IREB2: variants seen among roughly 807,000 people sequenced by gnomAD.
IREB2 encodes iron-responsive element-binding protein 2.
A neutral mutation model predicts 118.8 loss-of-function variants in IREB2; 39 were observed. The ratio of observed to expected loss-of-function variants is 0.33; its 90% CI spans 0.25 to 0.43. The LOEUF (loss-of-function observed/expected upper bound fraction) is 0.43, where lower values mean the gene tolerates loss of function less well. Among genes scored for constraint, IREB2 ranks in the 20% least tolerant of loss-of-function variants. The probability of loss-of-function intolerance (pLI) is 1.00; values close to 1 mark genes in which losing one functional copy is unlikely to be tolerated. For missense variants in IREB2, 900 were observed against 1,147.3 expected (o/e 0.78, Z 3.11); for synonymous variants, 372 against 392.2 (o/e 0.95, Z 0.61).
Position 78,498,164 on chromosome 15 carries a change from C to T in IREB2, c.*21C>T, listed in dbSNP as rs1316429719. 7.6e-7 allele frequency: 1 copy of T among 1,312,192 alleles called. No homozygotes were observed. The highest frequency in any genetic ancestry group is 1.2e-5 in the South Asian group (1 of 84,480). The allele number at this position is 1,312,192 out of a possible 1,614,324, so 81.3% of individuals were successfully genotyped here. A position where few individuals can be genotyped will look rare whatever the true frequency, so the allele number is the denominator to read the frequency against. On this transcript the variant is annotated 3_prime_UTR_variant, in exon 22 of 22. Transcript: ENST00000258886. ...CATAGTATCTACTTACCATAGATAC[C>T]TTTCATAACTGGTAACTGCAAAGCC...
At chr15:78,463,193 C>CT in intron 3 of IREB2, 106 bp downstream of exon 3, 1 of 916,518 alleles carries the variant, frequency 1.1e-6, no homozygotes, top group Non-Finnish European at 1.6e-6. Context: ...AATCCCAGTA[C>CT]TTTGGGAGGC....
intron 21 of IREB2, 145 bp downstream of exon 21, chr15:78,497,456 G>T: frequency 1.5e-6 from 1 of 647,792 alleles, no homozygotes; most frequent in East Asian, 2.8e-5. Flanking sequence ...TCCATACTTA[G>T]ATCTAGCTAT....
rs375436214 is a variant in IREB2, at chr15:78,446,548, C to T, written c.106+6667C>T. Among the ~76,000 whole-genome samples, 11 of 152,106 alleles carry T rather than the reference C, an allele frequency of 7.2e-5. No individual in the cohort carries two copies. The East Asian group carries it at 1.7e-3, about 24-fold the overall frequency. ...AGGAGCTTCAGATTTCTGCCCTGTT[C>T]CACTCTTCTGCTTCCTCCACTTCAC... On this transcript the variant is annotated intron_variant, in intron 2 of 21. Coordinates refer to ENST00000258886, the MANE Select transcript of IREB2 (RefSeq NM_004136.4).
intron 1 of IREB2, among the ~76,000 whole-genome samples, chr15:78,439,468 A>G (rs989126834): frequency 2.6e-5 from 4 of 152,162 alleles, no homozygotes; most frequent in African/African-American, 9.7e-5. Flanking sequence ...TATTCTTATC[A>G]CATTTCAGGA....
rs1462870272 is a variant in IREB2 at position 78,498,759 on chromosome 15, C to G, written c.*616C>G. ...CTGTCCAATCCAGCCAAGGTTCCCT[C>G]CACATATGAAGATGGACCATGGCAG... On this transcript the variant is annotated 3_prime_UTR_variant, in exon 22 of 22. Coordinates refer to ENST00000258886, the MANE Select transcript of IREB2 (RefSeq NM_004136.4). 6.6e-6 allele frequency: 1 copy of G among 152,318 alleles called. No homozygotes were observed. Among genetic ancestry groups the G allele is most frequent in the Non-Finnish European group, 1.5e-5 (1 of 68,074 alleles). The allele number at this position is 152,318 out of a possible 1,614,324, so 9.4% of individuals were successfully genotyped here.
chr15:78,451,660 G>GAA (rs2051026875), intron 2 of IREB2, among the ~76,000 whole-genome samples: 1 of 152,094 alleles, frequency 6.6e-6, no homozygotes, highest in African/African-American at 2.4e-5. Flanking sequence ...ACGCTCAAAG[G>GAA]AAATGCTCAT....
chr15:78,476,454 A>G (rs988458502), intron 9 of IREB2, 95 bp downstream of exon 9: 12 of 857,444 alleles, frequency 1.4e-5, no homozygotes, highest in Non-Finnish European at 2.0e-5. Flanking sequence ...GTTATTTACT[A>G]TTCACAAAAT....
At chr15:78,459,524 A>G (rs1465722467) in intron 2 of IREB2, among the ~76,000 whole-genome samples, 1 of 151,904 alleles carries the variant, frequency 6.6e-6, no homozygotes, top group Non-Finnish European at 1.5e-5. Context: ...TAATTTTTGT[A>G]TTTTTAGTAG....
At chr15:78,472,010 A>G (rs1362358708) in intron 7 of IREB2, 86 bp downstream of exon 7, 10 of 1,050,750 alleles carry the variant, frequency 9.5e-6, no homozygotes, top group African/African-American at 6.4e-5. Context: ...TTGAGTTTGT[A>G]TAGCCTCTTT....
intron 3 of IREB2, among the ~76,000 whole-genome samples, chr15:78,463,480 G>A (rs550815849): frequency 2.6e-5 from 4 of 151,552 alleles, no homozygotes; most frequent in Non-Finnish European, 5.9e-5. Context: ...ACTTCCTAAT[G>A]GATGGCTCTG....
chr15:78,474,446 C>T (rs566647412), intron 8 of IREB2: 15 of 152,268 alleles, frequency 9.9e-5, no homozygotes, highest in South Asian at 8.3e-4. Flanking sequence ...CAGGATTATT[C>T]CTAGAGGAAA....
intron 11 of IREB2, 22 bp downstream of exon 11, chr15:78,483,456 C>T (rs759323660): frequency 3.5e-5 from 47 of 1,336,528 alleles, no homozygotes; most frequent in Non-Finnish European, 4.5e-5. Context: ...TATTCTTATC[C>T]GTGTTTTTCA....
Position 78,488,214 on chromosome 15 carries a change from A to G in IREB2, c.1829A>G (p.Asn610Ser), listed in dbSNP as rs1457046942. Reference sequence around the variant, plus strand: ...GTTACCTGTGGAATTTTATCTGGAAACAAAAATTTTGAAGGTCGTCTTTGT... The same window carrying G: ...GTTACCTGTGGAATTTTATCTGGAAGCAAAAATTTTGAAGGTCGTCTTTGT... The part of the protein sequence containing the change: ...DLVTCGILSG[N>S]KNFEGRLCDC... The change falls in exon 15 of 22, where the codon AAC becomes AGC. Residue 610 changes from asparagine (N) to serine (S), a missense_variant. By Grantham distance (46) the Asn-to-Ser change is conservative. Transcript: ENST00000258886. The G allele has an allele frequency of 6.2e-7, 1 of 1,609,462 alleles. No homozygotes were observed. The highest frequency in any genetic ancestry group is 1.3e-5 in the African/African-American group (1 of 74,740).
At chr15:78,450,224 C>G (rs1053923851) in intron 2 of IREB2, among the ~76,000 whole-genome samples, 21 of 152,166 alleles carry the variant, frequency 1.4e-4, no homozygotes, top group African/African-American at 4.8e-4. Context: ...AAGTACAGTA[C>G]TATGTTGTAG....
intron 10 of IREB2, among the ~76,000 whole-genome samples, chr15:78,482,568 C>T (rs1362432102): frequency 6.6e-6 from 1 of 152,174 alleles, no homozygotes; most frequent in African/African-American, 2.4e-5. Context: ...TTCTTCACAT[C>T]ATGTGTGCTG....
chr15:78,478,200 C>T, intron 9 of IREB2, 97 bp from the exon 10 acceptor site: 1 of 792,128 alleles, frequency 1.3e-6, no homozygotes, highest in Non-Finnish European at 2.1e-6. Flanking sequence ...CAGCACTGCG[C>T]TCCAGCCTGG....
chr15:78,470,689 CTTTTTTTTTT>C, intron 6 of IREB2, 88 bp downstream of exon 6: 3 of 209,426 alleles, frequency 1.4e-5, no homozygotes, highest in Middle Eastern at 1.5e-3. Context: ...TTTTCTTTTC[CTTTTTTTTTT>C]TTTTTTTTTT....
At chr15:78,466,173 T>TAAC (rs1315896525) in intron 4 of IREB2, 98 bp from the exon 5 acceptor site, 1 of 683,110 alleles carries the variant, frequency 1.5e-6, no homozygotes, top group African/African-American at 1.8e-5. Flanking sequence ...CATCATTCAG[T>TAAC]TACTTCCAGA....
At chr15:78,457,032 C>T (rs1281695748) in intron 2 of IREB2, among the ~76,000 whole-genome samples, 1 of 152,140 alleles carries the variant, frequency 6.6e-6, no homozygotes, top group Non-Finnish European at 1.5e-5. Context: ...TATGTTATGA[C>T]TATAAATGTT....
Sources: allele counts gnomAD v4.1 joint callset (sites outside exome capture counted in the v4.1 genomes callset), GRCh38; gene constraint gnomAD v4.1.1; transcripts MANE v1.5; gene names NCBI Gene and HGNC (gene_info 2026-07-23, HGNC 2026-07-21).